The following RAB27B variants were observed in gnomAD, a reference collection of about 807,000 sequenced individuals.
RAB27B encodes the protein ras-related protein Rab-27B.
Under a neutral mutation model 24.6 loss-of-function variants are expected in RAB27B, and 15 were observed. The observed-to-expected ratio is 0.61, with a 90% CI of 0.41 to 0.94. The LOEUF is 0.94. RAB27B is among the 40% of genes least tolerant of loss of function. The pLI is 0.00. For synonymous variants in RAB27B, 105 were observed against 92.5 expected, an observed-to-expected ratio of 1.14 and a Z score of -0.78; for missense variants, 261 against 266.8, an observed-to-expected ratio of 0.98 and a Z score of 0.15.
intron 2 of RAB27B, among the ~76,000 whole-genome samples, chr18:54,806,185 A>T (rs1490576482): frequency 6.6e-6 from 1 of 152,052 alleles, no homozygotes; most frequent in Non-Finnish European, 1.5e-5. Context: ...AGTTTTTGAA[A>T]TATGTTGACA....
intron 1 of RAB27B, among the ~76,000 whole-genome samples, chr18:54,844,215 A>C (rs1911228425): frequency 1.3e-5 from 2 of 152,134 alleles, no homozygotes; most frequent in African/African-American, 4.8e-5. Flanking sequence ...TATGAGTTAA[A>C]ATTTCTAAGG....
At chr18:54,760,887 A>G (rs1416559403) in intron 2 of RAB27B, among the ~76,000 whole-genome samples, 3 of 152,170 alleles carry the variant, frequency 2.0e-5, no homozygotes, top group African/African-American at 7.2e-5. Context: ...TCTTTGAATA[A>G]TACTCTTAGG....
At chr18:54,733,650 G>GGCCCC (rs1909794792) in intron 2 of RAB27B, among the ~76,000 whole-genome samples, 6 of 92,294 alleles carry the variant, frequency 6.5e-5, no homozygotes, top group Non-Finnish European at 9.1e-5. Flanking sequence ...CTGTTCTAGA[G>GGCCCC]CCCCCCCCCC....
chr18:54,757,605 G>T lies in RAB27B; in HGVS notation c.-20+39464G>T, dbSNP rs984477109. ...TATGTGTTCACTAAGAACTGAATAT[G>T]AACAAATTTGTATAAATTATAAAAG... On this transcript the variant is annotated intron_variant, in intron 2 of 4. Coordinates refer to the RAB27B transcript ENST00000586570. Among the ~76,000 whole-genome samples, 8 of 152,000 alleles carry T rather than the reference G, an allele frequency of 5.3e-5. No individual in the cohort carries two copies. The East Asian group carries it at 5.8e-4, about 11-fold the overall frequency.
chr18:54,875,654 G>A (rs1598985264), intron 1 of RAB27B, among the ~76,000 whole-genome samples: 1 of 151,864 alleles, frequency 6.6e-6, no homozygotes, highest in African/African-American at 2.4e-5. Context: ...GTATGAATTT[G>A]CAGCTTTAAA....
At chr18:54,771,907 C>T (rs879811938) in intron 2 of RAB27B, among the ~76,000 whole-genome samples, 1 of 152,100 alleles carries the variant, frequency 6.6e-6, no homozygotes, top group Non-Finnish European at 1.5e-5. Context: ...GTTGGCAAAG[C>T]CTACTCACTA....
intron 2 of RAB27B, among the ~76,000 whole-genome samples, chr18:54,805,014 T>G (rs1049131494): frequency 4.6e-5 from 7 of 151,558 alleles, no homozygotes; most frequent in Non-Finnish European, 8.8e-5. Flanking sequence ...GTTCCTCTTT[T>G]TTTAATTTTT....
At chr18:54,864,553 C>T (rs970526915) in intron 1 of RAB27B, among the ~76,000 whole-genome samples, 1 of 151,720 alleles carries the variant, frequency 6.6e-6, no homozygotes. Context: ...GTTATGAAGA[C>T]TTACTCTTAT....
chr18:54,831,984 C>A (rs928031139), intron 1 of RAB27B, among the ~76,000 whole-genome samples: 1 of 152,078 alleles, frequency 6.6e-6, no homozygotes, highest in Non-Finnish European at 1.5e-5. Flanking sequence ...CCATGTTGGT[C>A]GGGATAATCT....
At chr18:54,747,948 A>T (rs1336200611) in intron 2 of RAB27B, among the ~76,000 whole-genome samples, 1 of 152,060 alleles carries the variant, frequency 6.6e-6, no homozygotes, top group Non-Finnish European at 1.5e-5. Context: ...TCTTTGCAAA[A>T]AATACAAAAA....
At chr18:54,748,864 G>A (rs1339988521) in intron 2 of RAB27B, among the ~76,000 whole-genome samples, 1 of 152,206 alleles carries the variant, frequency 6.6e-6, no homozygotes, top group African/African-American at 2.4e-5. Context: ...GAACTAAATG[G>A]TTGAGGTTCA....
At chr18:54,811,554 C>T (rs557013258) in intron 2 of RAB27B, among the ~76,000 whole-genome samples, 1 of 152,222 alleles carries the variant, frequency 6.6e-6, no homozygotes, top group South Asian at 2.1e-4. Flanking sequence ...ACGCTTTAGT[C>T]TGGCTCGGTG....
At chr18:54,858,391 T>TG (rs1911871311) in intron 1 of RAB27B, among the ~76,000 whole-genome samples, 1 of 149,640 alleles carries the variant, frequency 6.7e-6, no homozygotes, top group African/African-American at 2.5e-5. Context: ...TTTTTTTTTT[T>TG]TTTTTTTTTT....
intron 2 of RAB27B, among the ~76,000 whole-genome samples, chr18:54,796,914 C>G (rs991127197): frequency 1.3e-5 from 2 of 152,134 alleles, no homozygotes; most frequent in African/African-American, 4.8e-5. Flanking sequence ...TTTGGCCACA[C>G]AGTAGTTGGT....
chr18:54,868,245 C>T (rs1912319264), intron 1 of RAB27B, among the ~76,000 whole-genome samples: 1 of 152,146 alleles, frequency 6.6e-6, no homozygotes, highest in Non-Finnish European at 1.5e-5. Context: ...GGAACCTTGG[C>T]TGTGTCATTT....
At chr18:54,823,411 A>G (rs571376072) in intron 2 of RAB27B, among the ~76,000 whole-genome samples, 1 of 143,754 alleles carries the variant, frequency 7.0e-6, no homozygotes, top group African/African-American at 2.5e-5. Flanking sequence ...GGATCTCATC[A>G]GTGAGGGGGT....
chr18:54,726,838 C>A (rs371148856), intron 2 of RAB27B, among the ~76,000 whole-genome samples: 1 of 144,010 alleles, frequency 6.9e-6, no homozygotes, highest in African/African-American at 2.5e-5. Context: ...ATATCTATTT[C>A]GTAAACAATC....
intron 2 of RAB27B, among the ~76,000 whole-genome samples, chr18:54,774,948 A>G (rs1363696640): frequency 6.6e-6 from 1 of 152,190 alleles, no homozygotes; most frequent in Non-Finnish European, 1.5e-5. Context: ...ATACCTTAAA[A>G]ATGCTTGGCA....
rs368294038 is a variant in RAB27B, at chr18:54,864,325, T to G, written c.-19-13242T>G. On this transcript the variant is annotated intron_variant, in intron 1 of 5. Coordinates refer to ENST00000262094, the MANE Select transcript of RAB27B (RefSeq NM_004163.4). ...TTTGAGAAGATATCTCTTCAAAGCCTTTGCTCATTTTTAAAGTTTGGTTAT... is the reference window on the plus strand; with the variant it reads ...TTTGAGAAGATATCTCTTCAAAGCCGTTGCTCATTTTTAAAGTTTGGTTAT... Among the ~76,000 whole-genome samples, 4 of 152,310 alleles carry G rather than the reference T, an allele frequency of 2.6e-5. No individual in the cohort carries two copies. In the East Asian group the frequency reaches 5.8e-4, roughly 22 times the overall value.
Sources: allele counts gnomAD v4.1 joint callset (sites outside exome capture counted in the v4.1 genomes callset), GRCh38; gene constraint gnomAD v4.1.1; transcripts MANE v1.5; gene names NCBI Gene and HGNC (gene_info 2026-07-23, HGNC 2026-07-21).